The following MSRA variants were observed in gnomAD, a reference collection of about 807,000 sequenced individuals.
MSRA encodes methionine sulfoxide reductase A.
In MSRA, 54 loss-of-function variants were observed where a neutral mutation model predicts 31.3. That is an observed-to-expected ratio of 1.73 (90% CI 1.39 to 2.17). The LOEUF (loss-of-function observed/expected upper bound fraction) is 2.17, where lower values mean the gene tolerates loss of function less well. Ranked by LOEUF, MSRA falls within the 30% of genes most tolerant of loss-of-function variation. The pLI is 0.00. For synonymous variants in MSRA, 169 were observed against 116.5 expected (o/e 1.45, Z -2.90); for missense variants, 507 against 300.9 (o/e 1.69, Z -5.07).
chr8:10,230,538 A>G lies in MSRA; in HGVS notation c.212-14566A>G, dbSNP rs559401728. Among the ~76,000 whole-genome samples the G allele has an allele frequency of 3.9e-5, 6 of 152,310 alleles. No homozygotes were observed. The South Asian group carries it at 1.2e-3, about 32-fold the overall frequency. ...ACAGAAAATATGGAAAATATATGAA[A>G]ATACAAAAGAAAACCAGAGGCAACC... On this transcript the variant is annotated intron_variant, in intron 2 of 5. Transcript: ENST00000317173.
intron 4 of MSRA, among the ~76,000 whole-genome samples, chr8:10,318,111 C>T (rs1009978010): frequency 5.9e-5 from 9 of 152,142 alleles, no homozygotes; most frequent in African/African-American, 2.2e-4. Context: ...TTCCATTGTC[C>T]TCGATTATTT....
At chr8:10,153,613 A>G (rs1230227724) in intron 1 of MSRA, among the ~76,000 whole-genome samples, 1 of 152,174 alleles carries the variant, frequency 6.6e-6, no homozygotes, top group Non-Finnish European at 1.5e-5. Flanking sequence ...AGGGATATTG[A>G]CATTGGTCAT....
chr8:10,409,177 T>A (rs1808005283), intron 5 of MSRA, among the ~76,000 whole-genome samples: 1 of 152,254 alleles, frequency 6.6e-6, no homozygotes, highest in South Asian at 2.1e-4. Flanking sequence ...TCATTTACAT[T>A]CTCACCAACA....
At chr8:10,397,844 T>C (rs1807196187) in intron 5 of MSRA, among the ~76,000 whole-genome samples, 1 of 152,194 alleles carries the variant, frequency 6.6e-6, no homozygotes, top group Non-Finnish European at 1.5e-5. Context: ...TTTATTCCTG[T>C]CATTCTAAAT....
chr8:10,066,594 C>T (rs896949599), intron 1 of MSRA, among the ~76,000 whole-genome samples: 33 of 152,240 alleles, frequency 2.2e-4, no homozygotes, highest in Admixed American at 5.2e-4. Flanking sequence ...AGTGCAATGG[C>T]GCGATCTCTG....
At chr8:10,103,889 TCA>T (rs1799697226) in intron 1 of MSRA, among the ~76,000 whole-genome samples, 1 of 152,096 alleles carries the variant, frequency 6.6e-6, no homozygotes, top group Non-Finnish European at 1.5e-5. Context: ...TTACTCTCTC[TCA>T]CGTCTGAAAT....
intron 1 of MSRA, among the ~76,000 whole-genome samples, chr8:10,072,839 G>A (rs117480092): frequency 0.018 from 2,744 of 152,138 alleles, 40 homozygotes; most frequent in Middle Eastern, 0.044. Flanking sequence ...CCTAACCTAA[G>A]CTTTTCATTT....
At position 10,216,904 on chromosome 8, in the gene MSRA, C is replaced by G. The variant is rs115061007; in HGVS notation, c.211+9003C>G. On this transcript the variant is annotated intron_variant, in intron 2 of 5. Coordinates refer to ENST00000317173, the MANE Select transcript of MSRA (RefSeq NM_012331.5). ...TCTCTTCAAGTCCCTGCTTTCCATT[C>G]TTTTGGGTGTATACCCAGAGATGGA... Among the ~76,000 whole-genome samples the G allele has an allele frequency of 7.0e-4, 106 of 152,310 alleles. 1 individual carries two copies. Among genetic ancestry groups the G allele is most frequent in the African/African-American group, 2.5e-3 (103 of 41,572 alleles).
At chr8:10,267,661 C>A (rs113334109) in intron 3 of MSRA, among the ~76,000 whole-genome samples, 1 of 151,906 alleles carries the variant, frequency 6.6e-6, no homozygotes, top group Non-Finnish European at 1.5e-5. Flanking sequence ...GAAGGAGCAC[C>A]GGAGTTGGAG....
chr8:10,232,486 C>T (rs1470769904), intron 2 of MSRA, among the ~76,000 whole-genome samples: 1 of 152,188 alleles, frequency 6.6e-6, no homozygotes, highest in African/African-American at 2.4e-5. Context: ...AACTGCCTTT[C>T]ATGAGTGCGG....
At chr8:10,235,984 A>C (rs1185748729) in intron 2 of MSRA, among the ~76,000 whole-genome samples, 1 of 152,214 alleles carries the variant, frequency 6.6e-6, no homozygotes, top group Non-Finnish European at 1.5e-5. Flanking sequence ...ATTTAGAAAA[A>C]TCTGTTAATG....
At chr8:10,106,953 A>G in intron 1 of MSRA, among the ~76,000 whole-genome samples, 1 of 151,202 alleles carries the variant, frequency 6.6e-6, no homozygotes, top group East Asian at 1.9e-4. Flanking sequence ...CCACCCACCT[A>G]CGCAACCATC....
intron 1 of MSRA, among the ~76,000 whole-genome samples, chr8:10,141,309 G>C (rs1802685122): frequency 6.6e-6 from 1 of 152,216 alleles, no homozygotes; most frequent in Non-Finnish European, 1.5e-5. Context: ...CCCCACTTCA[G>C]AGGTGAGGAA....
chr8:10,267,095 T>C (rs954480722), intron 3 of MSRA, among the ~76,000 whole-genome samples: 4 of 152,182 alleles, frequency 2.6e-5, no homozygotes, highest in African/African-American at 9.7e-5. Context: ...CGAACCAACA[T>C]AGTCTCAGAC....
At chr8:10,355,782 G>T (rs1012208550) in intron 5 of MSRA, among the ~76,000 whole-genome samples, 13 of 152,126 alleles carry the variant, frequency 8.5e-5, no homozygotes, top group African/African-American at 3.1e-4. Context: ...GTCTAGCCAG[G>T]AAGATATGCC....
chr8:10,350,400 G>T (rs1307033011), intron 5 of MSRA, among the ~76,000 whole-genome samples: 3 of 152,196 alleles, frequency 2.0e-5, no homozygotes, highest in African/African-American at 4.8e-5. Context: ...GGATGCTTCT[G>T]CCTTCGCTCA....
chr8:10,264,940 C>G (rs1302332355), intron 3 of MSRA, among the ~76,000 whole-genome samples: 1 of 152,100 alleles, frequency 6.6e-6, no homozygotes, highest in Non-Finnish European at 1.5e-5. Context: ...AAACCCATCT[C>G]TCAGTATGTG....
At chr8:10,113,609 G>C (rs17151108) in intron 1 of MSRA, among the ~76,000 whole-genome samples, 1 of 151,472 alleles carries the variant, frequency 6.6e-6, no homozygotes, top group Non-Finnish European at 1.5e-5. Flanking sequence ...ATGGGTACTG[G>C]CCATTAAGAA....
chr8:10,253,019 G>A (rs1036357687), intron 3 of MSRA, among the ~76,000 whole-genome samples: 3 of 152,192 alleles, frequency 2.0e-5, no homozygotes, highest in African/African-American at 7.2e-5. Flanking sequence ...TTTGCTAGAG[G>A]TATCCCAAGT....
Sources: allele counts gnomAD v4.1 joint callset (sites outside exome capture counted in the v4.1 genomes callset), GRCh38; gene constraint gnomAD v4.1.1; transcripts MANE v1.5; gene names NCBI Gene and HGNC (gene_info 2026-07-23, HGNC 2026-07-21).